The following THNSL1 variants were observed in gnomAD, a reference collection of about 807,000 sequenced individuals.
THNSL1 encodes the protein threonine synthase like 1, also known as threonine synthase-like 1.
A neutral mutation model predicts 50.4 loss-of-function variants in THNSL1; 48 were observed. The observed-to-expected ratio is 0.95, with a 90% confidence interval of 0.76 to 1.21. The LOEUF is 1.21. Ranked by LOEUF, THNSL1 falls within the 50% of genes most tolerant of loss-of-function variation. The pLI is 0.00. For missense variants in THNSL1, 896 were observed against 871.7 expected, an observed-to-expected ratio of 1.03 and a Z score of -0.35; for synonymous variants, 309 against 306.1, an observed-to-expected ratio of 1.01 and a Z score of -0.10.
At chr10:25,013,118 C>T (rs115282368), upstream of THNSL1, among the ~76,000 whole-genome samples, 2,555 of 152,256 alleles carry the variant, frequency 0.017, 79 homozygotes, top group African/African-American at 0.059. Flanking sequence ...GACTTTGCTC[C>T]GCCTTTGCCT....
chr10:25,007,848 C>A, the THNSL1 span, among the ~76,000 whole-genome samples: 1 of 151,972 alleles, frequency 6.6e-6, no homozygotes, highest in Non-Finnish European at 1.5e-5. Context: ...GTTGTCTCTC[C>A]CCTCACCCAT....
rs78131600 is a variant in THNSL1, at chr10:25,025,199, C to G, written c.1976C>G (p.Pro659Arg). 4.3e-6 allele frequency: 7 copies of G among 1,614,044 alleles called. No homozygotes were observed. In the Admixed American group the frequency reaches 1.2e-4, roughly 27 times the overall value. ...VADRVQDKTC[P>R]VIISSTAHYS... ...GATAGGGTGCAAGACAAAACTTGCC[C>G]TGTGATTATCTCATCTACAGCCCAT... is the stretch of plus-strand genomic sequence containing the variant. The change falls in exon 3 of 3, where the codon CCT becomes CGT. Residue 659 changes from proline to arginine, a missense_variant. Pro to Arg is a moderately radical substitution (Grantham distance 103). Transcript: ENST00000376356.
intron 2 of THNSL1, 43 bp from the exon 3 acceptor site, chr10:25,023,133 A>C: frequency 7.6e-7 from 1 of 1,319,890 alleles, no homozygotes; most frequent in South Asian, 1.5e-5. Context: ...TTAGTAACCA[A>C]ATTATCTTTT....
chr10:24,984,861 G>A, the THNSL1 span: 10 of 1,613,190 alleles, frequency 6.2e-6, no homozygotes, highest in Non-Finnish European at 8.5e-6. Context: ...AGACCGAGAG[G>A]GACTGGAATT....
chr10:24,974,495 A>G, the THNSL1 span, among the ~76,000 whole-genome samples: 1 of 152,228 alleles, frequency 6.6e-6, no homozygotes, highest in African/African-American at 2.4e-5. Flanking sequence ...AATGCCAGAT[A>G]CTATTTAAAT....
the THNSL1 span, among the ~76,000 whole-genome samples, chr10:24,957,293 T>G: frequency 6.6e-6 from 1 of 152,228 alleles, no homozygotes; most frequent in Non-Finnish European, 1.5e-5. Flanking sequence ...CTTAACATAA[T>G]GTCCTCCAGG....
At chr10:24,989,982 A>G in the THNSL1 span, among the ~76,000 whole-genome samples, 4 of 152,186 alleles carry the variant, frequency 2.6e-5, no homozygotes, top group African/African-American at 9.6e-5. Context: ...CAAGAAAAAC[A>G]TATGTGAAAC....
chr10:25,025,099 G>C lies in THNSL1; in HGVS notation c.1876G>C (p.Ala626Pro). The C allele has an allele frequency of 6.2e-7, 1 of 1,614,188 alleles. No homozygotes were observed. Among genetic ancestry groups the C allele is most frequent in the Non-Finnish European group, 8.5e-7 (1 of 1,180,040 alleles). ...CTGGTGCTCTGAGGGAGAGTGCCTA[G>C]CAGCTATTAACTCCACCTATAATAC... ...ADWCSEGECL[A>P]AINSTYNTSG... The change falls in exon 3 of 3, where the codon GCA becomes CCA. Residue 626 changes from alanine to proline, a missense_variant. By Grantham distance (27) the Ala-to-Pro change is conservative. Coordinates refer to ENST00000376356, the MANE Select transcript of THNSL1 (RefSeq NM_024838.5).
At chr10:24,961,792 G>A in the THNSL1 span, among the ~76,000 whole-genome samples, 5 of 152,080 alleles carry the variant, frequency 3.3e-5, no homozygotes, top group Admixed American at 6.6e-5. Context: ...AAAGTTTATG[G>A]TGCTGTGTTT....
At chr10:24,999,604 TTTAC>T in the THNSL1 span, 5 of 1,420,996 alleles carry the variant, frequency 3.5e-6, no homozygotes, top group East Asian at 9.2e-5. Flanking sequence ...TTACCTAAAG[TTTAC>T]TTAAAGTTTA....
the THNSL1 span, among the ~76,000 whole-genome samples, chr10:24,994,464 G>T: frequency 1.3e-5 from 2 of 151,572 alleles, no homozygotes; most frequent in African/African-American, 4.9e-5. Flanking sequence ...CACCCGAGTA[G>T]CTGGGATTAC....
chr10:24,971,382 G>A, the THNSL1 span, among the ~76,000 whole-genome samples: 1 of 152,100 alleles, frequency 6.6e-6, no homozygotes, highest in East Asian at 1.9e-4. Context: ...TGTGATTACA[G>A]GTGTGAACCA....
At chr10:24,986,735 T>G in the THNSL1 span, among the ~76,000 whole-genome samples, 4 of 152,308 alleles carry the variant, frequency 2.6e-5, no homozygotes, top group African/African-American at 9.6e-5. Flanking sequence ...TGGATCAAAG[T>G]CAACAGCCAG....
the THNSL1 span, among the ~76,000 whole-genome samples, chr10:24,958,850 G>T: frequency 6.6e-6 from 1 of 152,186 alleles, no homozygotes; most frequent in Non-Finnish European, 1.5e-5. Context: ...CTTCTGACCG[G>T]AACAGGAATT....
At chr10:25,006,940 G>T in the THNSL1 span, among the ~76,000 whole-genome samples, 2 of 152,156 alleles carry the variant, frequency 1.3e-5, no homozygotes, top group Non-Finnish European at 2.9e-5. Context: ...TTGTGAAAAA[G>T]ATCAATAACT....
chr10:24,983,876 T>G, the THNSL1 span: 1 of 152,492 alleles, frequency 6.6e-6, no homozygotes, highest in Non-Finnish European at 1.5e-5. Flanking sequence ...CTATTTTTTC[T>G]TATTTTTGGG....
chr10:24,983,062 T>C, the THNSL1 span: 1 of 152,204 alleles, frequency 6.6e-6, no homozygotes, highest in Non-Finnish European at 1.5e-5. Context: ...TCATCCTGAA[T>C]TGGCAGAGAA....
In THNSL1 at chr10:25,025,784, A is replaced by C. The variant is rs1850839225; in HGVS notation, c.*329A>C. 1 of 222,320 alleles carries C rather than the reference A, an allele frequency of 4.5e-6. No homozygotes were observed. Among genetic ancestry groups the C allele is most frequent in the African/African-American group, 2.3e-5 (1 of 43,238 alleles). 13.8% of individuals were successfully genotyped at this position (222,320 alleles called of 1,614,324 possible). The stretch of plus-strand genomic sequence containing the variant: ...TCTGGTATACTATTTGGCGATTAAA[A>C]TATTTAAGCCCAGTTTTCAGGTACT... On this transcript the variant is annotated 3_prime_UTR_variant, in exon 3 of 3. Transcript: ENST00000376356.
the THNSL1 span, among the ~76,000 whole-genome samples, chr10:24,966,074 G>A: frequency 6.6e-6 from 1 of 152,188 alleles, no homozygotes; most frequent in African/African-American, 2.4e-5. Flanking sequence ...ACTCAATAGA[G>A]GATGCCCTTA....
Sources: gnomAD v4.1 joint callset for allele counts (sites outside exome capture counted in the v4.1 genomes callset) on GRCh38, gnomAD v4.1.1 for gene constraint, MANE v1.5 for transcripts, NCBI Gene and HGNC (gene_info 2026-07-23, HGNC 2026-07-21) for gene names.